Variants in CNTNAP2 observed in about 807,000 individuals in gnomAD.
The protein encoded by CNTNAP2 is contactin associated protein 2, also known as contactin-associated protein-like 2.
A neutral mutation model predicts 155.2 loss-of-function variants in CNTNAP2; 98 were observed. The ratio of observed to expected loss-of-function variants is 0.63; its 90% CI spans 0.54 to 0.75. The LOEUF (loss-of-function observed/expected upper bound fraction) is 0.75, where lower values mean the gene tolerates loss of function less well. Ranked by LOEUF, CNTNAP2 falls within the 30% of genes least tolerant of loss-of-function variation. The pLI is 0.00. For synonymous variants in CNTNAP2, 651 were observed against 631.2 expected (o/e 1.03, Z -0.47); for missense variants, 1,727 against 1,688.1 (o/e 1.02, Z -0.40).
intron 2 of CNTNAP2, among the ~76,000 whole-genome samples, chr7:146,812,308 G>A (rs1160778258): frequency 2.0e-5 from 3 of 151,890 alleles, no homozygotes; most frequent in African/African-American, 7.3e-5. Flanking sequence ...GAACAAAGGT[G>A]ACACTTGTTA....
chr7:146,837,321 T>G (rs959365059), intron 2 of CNTNAP2, among the ~76,000 whole-genome samples: 24 of 152,140 alleles, frequency 1.6e-4, no homozygotes, highest in Non-Finnish European at 5.9e-5. Flanking sequence ...CAATGATGTT[T>G]TCTTCTGTGT....
At chr7:147,786,343 G>A (rs1797739554) in intron 13 of CNTNAP2, among the ~76,000 whole-genome samples, 1 of 150,508 alleles carries the variant, frequency 6.6e-6, no homozygotes, top group South Asian at 2.1e-4. Context: ...GTCCTCACCA[G>A]ACCCAAAGAC....
intron 13 of CNTNAP2, among the ~76,000 whole-genome samples, chr7:147,645,672 A>G (rs934739567): frequency 6.6e-6 from 1 of 152,228 alleles, no homozygotes; most frequent in African/African-American, 2.4e-5. Context: ...CTCAACTGGA[A>G]TAATGAGTAG....
At chr7:148,384,361 G>A (rs1799143012) in intron 22 of CNTNAP2, among the ~76,000 whole-genome samples, 1 of 152,186 alleles carries the variant, frequency 6.6e-6, no homozygotes. Context: ...CTTTAAGCTT[G>A]CAAAACTCTG....
chr7:147,542,010 A>G (rs1799648918), intron 11 of CNTNAP2, among the ~76,000 whole-genome samples: 1 of 152,198 alleles, frequency 6.6e-6, no homozygotes, highest in Admixed American at 6.5e-5. Context: ...CAGGTAGTTC[A>G]GGTCCATATG....
At chr7:146,941,377 TTAACTC>T (rs1473660437) in intron 3 of CNTNAP2, among the ~76,000 whole-genome samples, 4 of 152,288 alleles carry the variant, frequency 2.6e-5, no homozygotes, top group East Asian at 1.9e-4. Flanking sequence ...ACTCTACACT[TTAACTC>T]TACTTCCCCT....
At chr7:147,114,124 T>C (rs1030130553) in intron 5 of CNTNAP2, among the ~76,000 whole-genome samples, 4 of 152,190 alleles carry the variant, frequency 2.6e-5, no homozygotes, top group Non-Finnish European at 5.9e-5. Flanking sequence ...TTGTGTCGTT[T>C]TGAGAGAATT....
chr7:146,463,817 A>C (rs1796675337), intron 1 of CNTNAP2, among the ~76,000 whole-genome samples: 1 of 152,124 alleles, frequency 6.6e-6, no homozygotes, highest in Non-Finnish European at 1.5e-5. Context: ...TAAAATTTAA[A>C]AAAATGATGG....
rs574452099 is a variant in CNTNAP2, at chr7:148,001,425, ATTGT to A, written c.2383+23438_2383+23441del. Among the ~76,000 whole-genome samples the A allele has an allele frequency of 5.3e-5, 8 of 152,244 alleles. No homozygotes were observed. In the South Asian group the frequency reaches 1.7e-3, roughly 32 times the overall value. ...CAGCCCACCTGGAAGGTCCCATCAC[ATTGT>A]TGTTATTGCAGATAGCACTTTCACT... On this transcript the variant is annotated intron_variant, in intron 15 of 23. Coordinates refer to ENST00000361727, the MANE Select transcript of CNTNAP2 (RefSeq NM_014141.6).
At chr7:147,779,371 C>G (rs1254074970) in intron 13 of CNTNAP2, among the ~76,000 whole-genome samples, 1 of 152,042 alleles carries the variant, frequency 6.6e-6, no homozygotes, top group Admixed American at 6.6e-5. Context: ...GTATGCCACA[C>G]AAGACCAATG....
At chr7:146,325,521 CT>C (rs1473336543) in intron 1 of CNTNAP2, among the ~76,000 whole-genome samples, 1 of 151,968 alleles carries the variant, frequency 6.6e-6, no homozygotes, top group Non-Finnish European at 1.5e-5. Flanking sequence ...TTTATAGCCC[CT>C]TGTATAATTT....
intron 23 of CNTNAP2, 82 bp from the exon 24 acceptor site, chr7:148,415,335 C>A: frequency 7.1e-7 from 1 of 1,407,494 alleles, no homozygotes; most frequent in South Asian, 1.2e-5. Context: ...CTGTGTCTGA[C>A]GGAGCTGTAG....
At chr7:146,848,585 G>GC (rs1209977611) in intron 3 of CNTNAP2, among the ~76,000 whole-genome samples, 1 of 152,148 alleles carries the variant, frequency 6.6e-6, no homozygotes, top group African/African-American at 2.4e-5. Context: ...GTTGGGTCCA[G>GC]CAAAGGCTTC....
At chr7:148,391,101 T>C (rs1175332898) in intron 22 of CNTNAP2, among the ~76,000 whole-genome samples, 1 of 152,174 alleles carries the variant, frequency 6.6e-6, no homozygotes, top group Non-Finnish European at 1.5e-5. Context: ...TTTTAACACC[T>C]CTCCCATGAT....
intron 13 of CNTNAP2, among the ~76,000 whole-genome samples, chr7:147,665,811 G>T (rs1258353870): frequency 2.0e-5 from 3 of 152,280 alleles, no homozygotes; most frequent in African/African-American, 7.2e-5. Context: ...TCATTCTTTT[G>T]TACGGCTGCA....
intron 8 of CNTNAP2, among the ~76,000 whole-genome samples, chr7:147,204,138 A>C (rs1170291618): frequency 6.6e-6 from 1 of 151,994 alleles, no homozygotes; most frequent in Non-Finnish European, 1.5e-5. Flanking sequence ...AATCTAGAAG[A>C]ATAATAGGAT....
intron 1 of CNTNAP2, among the ~76,000 whole-genome samples, chr7:146,222,655 T>G (rs1184756705): frequency 3.3e-5 from 3 of 91,356 alleles, no homozygotes; most frequent in Non-Finnish European, 6.2e-5. Flanking sequence ...TGGGAAAAGG[T>G]AAATTTTTTT....
chr7:147,384,516 T>G (rs1222557741), intron 9 of CNTNAP2, among the ~76,000 whole-genome samples: 1 of 152,160 alleles, frequency 6.6e-6, no homozygotes, highest in African/African-American at 2.4e-5. Context: ...CACCCTGGTT[T>G]GATCATATAG....
chr7:147,644,159 T>C, intron 13 of CNTNAP2, among the ~76,000 whole-genome samples: 1 of 152,202 alleles, frequency 6.6e-6, no homozygotes. Flanking sequence ...AATTTGGGAA[T>C]CACCAAATTA....
Sources: gnomAD v4.1 joint callset for allele counts (sites outside exome capture counted in the v4.1 genomes callset) on GRCh38, gnomAD v4.1.1 for gene constraint, MANE v1.5 for transcripts, NCBI Gene and HGNC (gene_info 2026-07-23, HGNC 2026-07-21) for gene names.